PCDHA5: variants seen among roughly 807,000 people sequenced by gnomAD.
The protein encoded by PCDHA5 is protocadherin alpha-5.
A neutral mutation model predicts 61.6 loss-of-function variants in PCDHA5; 43 were observed. The ratio of observed to expected loss-of-function variants is 0.70; its 90% CI spans 0.55 to 0.90. The LOEUF (loss-of-function observed/expected upper bound fraction) is 0.90, where lower values mean the gene tolerates loss of function less well. Among genes scored for constraint, PCDHA5 ranks in the 40% least tolerant of loss-of-function variants. The pLI, the probability that PCDHA5 is intolerant of heterozygous loss-of-function variation, is 0.00. For synonymous variants in PCDHA5, 627 were observed against 543.9 expected, an observed-to-expected ratio of 1.15 and a Z score of -2.13; for missense variants, 1,298 against 1,222.7, an observed-to-expected ratio of 1.06 and a Z score of -0.92.
At chr5:140,983,542 C>A (rs1554245538) in intron 3 of PCDHA5, among the ~76,000 whole-genome samples, 1 of 152,152 alleles carries the variant, frequency 6.6e-6, no homozygotes, top group African/African-American at 2.4e-5. Flanking sequence ...TGTGTGGTCT[C>A]ATTTATTCCT....
intron 1 of PCDHA5, chr5:140,843,080 G>A (rs1554139718): frequency 2.5e-6 from 4 of 1,595,426 alleles, no homozygotes; most frequent in African/African-American, 2.7e-5. Context: ...GTCTGTGGGC[G>A]CGGGCCACGT....
At chr5:140,867,183 G>A (rs1035791499) in intron 1 of PCDHA5, 3 of 151,946 alleles carry the variant, frequency 2.0e-5, no homozygotes, top group Non-Finnish European at 4.4e-5. Flanking sequence ...TCCCTACCTC[G>A]CAAGACTCCA....
intron 2 of PCDHA5, chr5:140,982,235 T>C (rs782570505): frequency 2.6e-5 from 17 of 646,792 alleles, no homozygotes; most frequent in Non-Finnish European, 3.9e-5. Flanking sequence ...AAAAACAGAA[T>C]TGCCATAAAG....
At chr5:140,985,459 C>A (rs1587084925) in intron 3 of PCDHA5, among the ~76,000 whole-genome samples, 1 of 152,236 alleles carries the variant, frequency 6.6e-6, no homozygotes, top group East Asian at 1.9e-4. Flanking sequence ...GGGAAATGCT[C>A]CAAAAAATTT....
At chr5:140,914,339 C>T (rs1554196289) in intron 1 of PCDHA5, among the ~76,000 whole-genome samples, 1 of 152,130 alleles carries the variant, frequency 6.6e-6, no homozygotes, top group East Asian at 1.9e-4. Flanking sequence ...CCTTCTTTGT[C>T]TCTTTTTGGA....
At chr5:140,900,807 A>T (rs868976984) in intron 1 of PCDHA5, among the ~76,000 whole-genome samples, 1 of 152,176 alleles carries the variant, frequency 6.6e-6, no homozygotes, top group African/African-American at 2.4e-5. Context: ...TAGTGCTTGT[A>T]CTAATTTACA....
Position 140,927,842 on chromosome 5 carries a change from T to C in PCDHA5, c.2353-51107T>C, listed in dbSNP as rs201721848. 1.9e-6 allele frequency: 3 copies of C among 1,614,140 alleles called. No individual in the cohort carries two copies. The African/African-American group carries it at 4.0e-5, about 22-fold the overall frequency. On this transcript the variant is annotated intron_variant, in intron 1 of 3. Transcript: ENST00000529859. ...TACATTGAGGCGAGGGACGAAGGTG[T>C]CTTTGGTTTAGCTAGCACCGCTAAA... is the stretch of plus-strand genomic sequence containing the variant.
intron 1 of PCDHA5, among the ~76,000 whole-genome samples, chr5:140,972,991 T>C (rs142551667): frequency 6.6e-6 from 1 of 152,222 alleles, no homozygotes; most frequent in Non-Finnish European, 1.5e-5. Context: ...GTAGATTCTG[T>C]GCATTTGTGG....
intron 1 of PCDHA5, chr5:140,870,864 C>A (rs782241816): frequency 5.6e-6 from 9 of 1,613,934 alleles, no homozygotes; most frequent in Non-Finnish European, 7.6e-6. Context: ...TGGGTGCGGG[C>A]CACGTGGTGG....
chr5:140,827,752 C>T (rs1357431971), intron 1 of PCDHA5, among the ~76,000 whole-genome samples: 2 of 152,200 alleles, frequency 1.3e-5, no homozygotes, highest in African/African-American at 2.4e-5. Context: ...AGATCCCTTA[C>T]TTTAAATTAA....
intron 1 of PCDHA5, chr5:140,830,113 G>A: frequency 6.2e-7 from 1 of 1,613,562 alleles, no homozygotes; most frequent in African/African-American, 1.3e-5. Context: ...AGAGTGGCCA[G>A]GCTCCAAAGG....
At chr5:140,826,181 T>C (rs2150142840) in intron 1 of PCDHA5, among the ~76,000 whole-genome samples, 1 of 152,354 alleles carries the variant, frequency 6.6e-6, no homozygotes, top group Admixed American at 6.5e-5. Context: ...ATTCTATAAA[T>C]CTAAAGTTAA....
intron 1 of PCDHA5, chr5:140,966,646 G>T (rs2096032297): frequency 4.4e-6 from 5 of 1,139,570 alleles, no homozygotes; most frequent in Non-Finnish European, 4.6e-6. Flanking sequence ...TTTCTAGAGC[G>T]TGAGCGGTGG....
In PCDHA5 at chr5:140,857,821, T is replaced by G. The variant is rs782136833; in HGVS notation, c.2352+33694T>G. On this transcript the variant is annotated intron_variant, in intron 1 of 3. Transcript: ENST00000529859. The stretch of plus-strand genomic sequence containing the variant: ...CGGTGGTTGCGGGTCACGTGGTGGC[T>G]AAGGTGCGCGCAGTGGACGCTGACT... 1.3e-5 allele frequency: 21 copies of G among 1,597,530 alleles called. 3 individuals carry two copies. Among genetic ancestry groups the G allele is most frequent in the East Asian group, 2.2e-5 (1 of 44,830 alleles).
At chr5:140,998,738 A>G (rs1163158052) in intron 3 of PCDHA5, among the ~76,000 whole-genome samples, 1 of 151,972 alleles carries the variant, frequency 6.6e-6, no homozygotes, top group Non-Finnish European at 1.5e-5. Context: ...CTAATTTTGT[A>G]TTTTTAGAAG....
chr5:140,940,468 C>A (rs2092618066), intron 1 of PCDHA5, among the ~76,000 whole-genome samples: 1 of 151,866 alleles, frequency 6.6e-6, no homozygotes, highest in African/African-American at 2.4e-5. Flanking sequence ...CTGTTCCCTG[C>A]AATTTTTTTT....
At chr5:140,934,690 T>G (rs1263392505) in intron 1 of PCDHA5, among the ~76,000 whole-genome samples, 1 of 152,198 alleles carries the variant, frequency 6.6e-6, no homozygotes, top group Non-Finnish European at 1.5e-5. Flanking sequence ...AAACAATGAA[T>G]TGATTCCTGG....
intron 1 of PCDHA5, among the ~76,000 whole-genome samples, chr5:140,914,914 G>A (rs2076876381): frequency 7.0e-6 from 1 of 143,682 alleles, no homozygotes; most frequent in African/African-American, 2.6e-5. Context: ...GTTTCTCTGT[G>A]TCTTATTGTA....
At chr5:140,854,785 T>A (rs998570267) in intron 1 of PCDHA5, 1 of 149,624 alleles carries the variant, frequency 6.7e-6, no homozygotes, top group Non-Finnish European at 1.5e-5. Flanking sequence ...TTTCAAGAAC[T>A]TTGAGAGAGA....
Sources: allele counts gnomAD v4.1 joint callset (sites outside exome capture counted in the v4.1 genomes callset), GRCh38; gene constraint gnomAD v4.1.1; transcripts MANE v1.5; gene names NCBI Gene and HGNC (gene_info 2026-07-23, HGNC 2026-07-21).